ALKBH3: variants seen among roughly 807,000 people sequenced by gnomAD.
ALKBH3 encodes the protein alkB homolog 3, alpha-ketoglutarate dependent dioxygenase, also known as alpha-ketoglutarate-dependent dioxygenase alkB homolog 3.
A neutral mutation model predicts 43.9 loss-of-function variants in ALKBH3; 51 were observed. The observed-to-expected ratio is 1.16, with a 90% CI of 0.93 to 1.47. ALKBH3 has a LOEUF of 1.47. ALKBH3 is among the 40% of genes most tolerant of loss of function. The pLI is 0.00. For missense variants in ALKBH3, 361 were observed against 351.9 expected, an observed-to-expected ratio of 1.03 and a Z score of -0.21; for synonymous variants, 102 against 115.2, an observed-to-expected ratio of 0.89 and a Z score of 0.73.
intron 6 of ALKBH3, among the ~76,000 whole-genome samples, chr11:43,891,472 G>A (rs1211013075): frequency 2.0e-5 from 3 of 152,116 alleles, no homozygotes; most frequent in Non-Finnish European, 4.4e-5. Context: ...TATTGTTGTG[G>A]CTGATACCAG....
chr11:43,899,926 A>G (rs1368316007), intron 7 of ALKBH3, among the ~76,000 whole-genome samples: 2 of 151,832 alleles, frequency 1.3e-5, no homozygotes, highest in South Asian at 2.1e-4. Flanking sequence ...TATAATATCA[A>G]AGAAGAATAT....
At chr11:43,887,879 C>G (rs1365699131) in intron 5 of ALKBH3, among the ~76,000 whole-genome samples, 2 of 151,880 alleles carry the variant, frequency 1.3e-5, no homozygotes, top group Non-Finnish European at 2.9e-5. Flanking sequence ...AGCTCCGCCT[C>G]CAGGGTTCAC....
intron 7 of ALKBH3, among the ~76,000 whole-genome samples, chr11:43,895,235 C>A (rs557264485): frequency 6.6e-6 from 1 of 152,178 alleles, no homozygotes; most frequent in African/African-American, 2.4e-5. Context: ...TGTGTCCCCA[C>A]GCAAGTCTCA....
chr11:43,888,018 C>T (rs183357672), intron 5 of ALKBH3, among the ~76,000 whole-genome samples: 1 of 151,074 alleles, frequency 6.6e-6, no homozygotes, highest in African/African-American at 2.4e-5. Flanking sequence ...AGCATGGTCT[C>T]GATCTCTTGA....
intron 5 of ALKBH3, among the ~76,000 whole-genome samples, chr11:43,889,489 A>G (rs1338913342): frequency 2.6e-5 from 4 of 152,200 alleles, no homozygotes; most frequent in Non-Finnish European, 4.4e-5. Flanking sequence ...GCCCTCACCT[A>G]TCATCCCTTT....
chr11:43,897,291 A>G (rs771622854), intron 7 of ALKBH3: 1 of 596,732 alleles, frequency 1.7e-6, no homozygotes. Context: ...TCGCCACCCC[A>G]CATCCCAGGC....
At chr11:43,915,829 A>G (rs1303573113) in intron 8 of ALKBH3, among the ~76,000 whole-genome samples, 2 of 152,100 alleles carry the variant, frequency 1.3e-5, no homozygotes, top group African/African-American at 2.4e-5. Context: ...ATTACAGGCG[A>G]TTTTCTACAT....
chr11:43,909,212 ATG>A (rs1217863856), intron 8 of ALKBH3: 1 of 152,222 alleles, frequency 6.6e-6, no homozygotes, highest in East Asian at 1.9e-4. Flanking sequence ...TTTTAAAGTA[ATG>A]TACTTCAGAT....
chr11:43,905,841 T>C (rs1419725733), intron 8 of ALKBH3, among the ~76,000 whole-genome samples: 2 of 152,230 alleles, frequency 1.3e-5, no homozygotes, highest in African/African-American at 4.8e-5. Context: ...TTTTCCCAGC[T>C]AGTTTTAATT....
intron 7 of ALKBH3, chr11:43,899,637 G>T (rs544666340): frequency 2.1e-5 from 10 of 478,122 alleles, no homozygotes; most frequent in Admixed American, 6.9e-5. Flanking sequence ...CCCTCCCGCC[G>T]AGCAGAGACA....
intron 8 of ALKBH3, among the ~76,000 whole-genome samples, chr11:43,911,069 T>A (rs1951934831): frequency 6.6e-6 from 1 of 152,234 alleles, no homozygotes; most frequent in South Asian, 2.1e-4. Flanking sequence ...GAGAAATAGT[T>A]ACAACTCATG....
chr11:43,888,435 A>G (rs930273966), intron 5 of ALKBH3, among the ~76,000 whole-genome samples: 2 of 152,238 alleles, frequency 1.3e-5, no homozygotes, highest in African/African-American at 4.8e-5. Context: ...AGCATATACT[A>G]TTTAGGGTAT....
At chr11:43,897,861 A>G (rs11037720) in intron 7 of ALKBH3, 169,141 of 789,808 alleles carry the variant, frequency 0.21, 19,935 homozygotes, top group South Asian at 0.33. Flanking sequence ...TGAAAGTACC[A>G]TGGAAAAAAT....
intron 6 of ALKBH3, among the ~76,000 whole-genome samples, chr11:43,890,370 A>T (rs1211544524): frequency 1.3e-5 from 2 of 152,148 alleles, no homozygotes; most frequent in African/African-American, 4.8e-5. Context: ...CTCTGCGGGC[A>T]TCCACAAGCC....
At chr11:43,916,809 G>A (rs529718986) in intron 8 of ALKBH3, 2 of 152,362 alleles carry the variant, frequency 1.3e-5, no homozygotes, top group South Asian at 4.1e-4. Context: ...TCTTGCTTCA[G>A]TTGAAGGGTG....
chr11:43,911,213 C>CT (rs1951936305), intron 8 of ALKBH3, among the ~76,000 whole-genome samples: 1 of 152,168 alleles, frequency 6.6e-6, no homozygotes, highest in Non-Finnish European at 1.5e-5. Flanking sequence ...CTAGCTTGGA[C>CT]TAAGGTGGCA....
At chr11:43,887,933 C>A (rs968414105) in intron 5 of ALKBH3, among the ~76,000 whole-genome samples, 7 of 151,590 alleles carry the variant, frequency 4.6e-5, no homozygotes, top group African/African-American at 1.7e-4. Context: ...GGACTACAGG[C>A]ACGTGCCACC....
At chr11:43,885,984 T>C (rs1951743778) in intron 4 of ALKBH3, among the ~76,000 whole-genome samples, 1 of 152,148 alleles carries the variant, frequency 6.6e-6, no homozygotes, top group Non-Finnish European at 1.5e-5. Context: ...GGATTGGGGA[T>C]GCCGGGTGAT....
intron 9 of ALKBH3, among the ~76,000 whole-genome samples, chr11:43,919,353 G>T (rs187534422): frequency 7.9e-4 from 121 of 152,356 alleles, no homozygotes; most frequent in Middle Eastern, 3.4e-3. Flanking sequence ...AAAGTGTTCA[G>T]TATCTGTGCT....
Sources: gnomAD v4.1 joint callset for allele counts (sites outside exome capture counted in the v4.1 genomes callset) on GRCh38, gnomAD v4.1.1 for gene constraint, MANE v1.5 for transcripts, NCBI Gene and HGNC (gene_info 2026-07-23, HGNC 2026-07-21) for gene names.